The following UNC79 variants were observed in gnomAD, a reference collection of about 807,000 sequenced individuals.
UNC79 encodes protein unc-79 homolog.
A neutral mutation model predicts 283.1 loss-of-function variants in UNC79; 37 were observed. The ratio of observed to expected loss-of-function variants is 0.13; its 90% CI spans 0.10 to 0.17. The LOEUF is 0.17. Among genes scored for constraint, UNC79 ranks in the 10% least tolerant of loss-of-function variants. The probability of loss-of-function intolerance (pLI) is 1.00; values close to 1 mark genes in which losing one functional copy is unlikely to be tolerated. For missense variants in UNC79, 2,272 were observed against 3,211.1 expected (o/e 0.71, Z 7.07); for synonymous variants, 1,107 against 1,200.2 (o/e 0.92, Z 1.61).
At chr14:93,364,198 G>A (rs2139948837) in intron 1 of UNC79, among the ~76,000 whole-genome samples, 1 of 152,242 alleles carries the variant, frequency 6.6e-6, no homozygotes, top group African/African-American at 2.4e-5. Context: ...CCAGCTCCCA[G>A]AGCAAGAAAC....
chr14:93,598,260 G>A (rs1470320133), intron 24 of UNC79, among the ~76,000 whole-genome samples: 1 of 151,958 alleles, frequency 6.6e-6, no homozygotes, highest in Non-Finnish European at 1.5e-5. Context: ...CAGAGTGCTG[G>A]GATTATAAGC....
chr14:93,684,907 T>C (rs184786696), intron 42 of UNC79, among the ~76,000 whole-genome samples: 1 of 152,360 alleles, frequency 6.6e-6, no homozygotes, highest in African/African-American at 2.4e-5. Context: ...GAAATAAATG[T>C]AGCTCTTCTG....
chr14:93,539,055 C>T (rs1275884597), intron 12 of UNC79, among the ~76,000 whole-genome samples: 2 of 150,486 alleles, frequency 1.3e-5, no homozygotes, highest in Admixed American at 1.3e-4. Context: ...GGTGCGCACC[C>T]CCACGCCCGG....
At chr14:93,357,620 G>A (rs2054112338) in intron 1 of UNC79, among the ~76,000 whole-genome samples, 1 of 143,724 alleles carries the variant, frequency 7.0e-6, no homozygotes, top group Admixed American at 7.3e-5. Context: ...TTAGCTTGCA[G>A]ATGGCCTATT....
Position 93,493,585 on chromosome 14 carries a change from T to G in UNC79, c.713-2826T>G, listed in dbSNP as rs573618913. On this transcript the variant is annotated intron_variant, in intron 5 of 48. Coordinates refer to ENST00000555664, the Ensembl canonical transcript of UNC79. ...CTGAAAGCTATTTAGGAAGTAAAAT[T>G]GATAGGACTTGGTAACATATTGGCT... Among the ~76,000 whole-genome samples, 549 of 152,236 alleles carry G rather than the reference T, an allele frequency of 3.6e-3. 5 individuals carry two copies. Among genetic ancestry groups the G allele is most frequent in the African/African-American group, 0.013 (528 of 41,528 alleles).
intron 1 of UNC79, among the ~76,000 whole-genome samples, chr14:93,434,082 G>A (rs1340029179): frequency 6.6e-6 from 1 of 152,036 alleles, no homozygotes; most frequent in East Asian, 1.9e-4. Context: ...GCATGGTGGT[G>A]CATGTCTGTA....
chr14:93,479,540 C>G (rs1222180390), intron 4 of UNC79, among the ~76,000 whole-genome samples: 2 of 152,032 alleles, frequency 1.3e-5, no homozygotes, highest in Non-Finnish European at 2.9e-5. Flanking sequence ...TCAGGTGATC[C>G]ACCCGCCTCA....
At chr14:93,630,208 A>T (rs1001336177) in intron 30 of UNC79, among the ~76,000 whole-genome samples, 4 of 152,238 alleles carry the variant, frequency 2.6e-5, no homozygotes, top group African/African-American at 9.6e-5. Flanking sequence ...CTTAAGGGTT[A>T]GCGAAGGCTA....
At chr14:93,393,593 AAC>A (rs1186251039) in intron 1 of UNC79, among the ~76,000 whole-genome samples, 1 of 152,220 alleles carries the variant, frequency 6.6e-6, no homozygotes, top group Non-Finnish European at 1.5e-5. Flanking sequence ...ACACCTCAGA[AAC>A]ACAGTCAAGT....
At chr14:93,689,980 C>A in intron 44 of UNC79, 137 bp from the exon 48 acceptor site, 2 of 856,826 alleles carry the variant, frequency 2.3e-6, no homozygotes, top group South Asian at 1.7e-5. Context: ...TGTTGACACT[C>A]AATTGCCTTG....
intron 5 of UNC79, among the ~76,000 whole-genome samples, chr14:93,491,177 G>A (rs1210045481): frequency 6.6e-6 from 1 of 151,930 alleles, no homozygotes; most frequent in African/African-American, 2.4e-5. Context: ...CCTCCTAAAG[G>A]CTCCACATCC....
At chr14:93,537,255 A>G (rs1440708400) in intron 11 of UNC79, among the ~76,000 whole-genome samples, 1 of 152,100 alleles carries the variant, frequency 6.6e-6, no homozygotes, top group Admixed American at 6.6e-5. Flanking sequence ...GAACAGTACC[A>G]CCCCTGAACT....
chr14:93,391,505 T>C (rs1348926624), intron 1 of UNC79, among the ~76,000 whole-genome samples: 4 of 152,220 alleles, frequency 2.6e-5, no homozygotes, highest in Admixed American at 2.6e-4. Flanking sequence ...GATCTTCTCT[T>C]CATCAAAAGA....
chr14:93,577,231 A>G (rs541470602), intron 17 of UNC79, among the ~76,000 whole-genome samples: 2 of 152,188 alleles, frequency 1.3e-5, no homozygotes, highest in East Asian at 3.9e-4. Context: ...TCCAAAAAAA[A>G]CCATTGACTT....
At chr14:93,437,284 G>A (rs566033548) in intron 1 of UNC79, 3 of 151,964 alleles carry the variant, frequency 2.0e-5, no homozygotes, top group African/African-American at 7.2e-5. Context: ...TAGGCACTTT[G>A]GTATATATTG....
intron 10 of UNC79, among the ~76,000 whole-genome samples, chr14:93,532,179 C>T (rs1487062413): frequency 6.6e-6 from 1 of 151,682 alleles, no homozygotes; most frequent in East Asian, 1.9e-4. Flanking sequence ...TAAATGGGCT[C>T]TAGACCTGGC....
chr14:93,647,107 A>G (rs2069697136), intron 35 of UNC79, among the ~76,000 whole-genome samples: 1 of 152,224 alleles, frequency 6.6e-6, no homozygotes, highest in Non-Finnish European at 1.5e-5. Flanking sequence ...TGAATAAAAT[A>G]TTTGCACAAA....
intron 1 of UNC79, among the ~76,000 whole-genome samples, chr14:93,451,222 T>C (rs1217336202): frequency 1.3e-5 from 2 of 152,188 alleles, no homozygotes; most frequent in African/African-American, 4.8e-5. Context: ...CTTTAGATGG[T>C]TGGCCTTCCT....
intron 7 of UNC79, among the ~76,000 whole-genome samples, chr14:93,504,000 C>T (rs1045137560): frequency 1.3e-5 from 2 of 151,918 alleles, no homozygotes; most frequent in Non-Finnish European, 2.9e-5. Flanking sequence ...GTTGGCTCAA[C>T]ATTATTTATT....
Sources: allele counts gnomAD v4.1 joint callset (sites outside exome capture counted in the v4.1 genomes callset), GRCh38; gene constraint gnomAD v4.1.1; transcripts MANE v1.5; gene names NCBI Gene and HGNC (gene_info 2026-07-23, HGNC 2026-07-21).